NLRP5: variants seen among roughly 807,000 people sequenced by gnomAD.
NLRP5 encodes NLR family pyrin domain containing 5.
Under a neutral mutation model 113.1 loss-of-function variants are expected in NLRP5, and 93 were observed. That is an observed-to-expected ratio of 0.82 (90% CI 0.70 to 0.98). The LOEUF (loss-of-function observed/expected upper bound fraction) is 0.98. NLRP5 is among the 50% of genes least tolerant of loss of function. The probability of loss-of-function intolerance (pLI) is 0.00; values close to 1 mark genes in which losing one functional copy is unlikely to be tolerated. For missense variants in NLRP5, 1,808 were observed against 1,514.3 expected (o/e 1.19, Z -3.22); for synonymous variants, 751 against 600.7 (o/e 1.25, Z -3.66).
At chr19:55,989,870 C>G in the NLRP5 span, among the ~76,000 whole-genome samples, 1 of 152,006 alleles carries the variant, frequency 6.6e-6, no homozygotes, top group Non-Finnish European at 1.5e-5. Flanking sequence ...GTTAAAGTAC[C>G]GTCCAAAAAG....
intron 6 of NLRP5, among the ~76,000 whole-genome samples, chr19:56,023,021 C>T (rs1159579177): frequency 6.6e-6 from 1 of 152,204 alleles, no homozygotes; most frequent in African/African-American, 2.4e-5. Context: ...CCACTGCACC[C>T]AGCGAGACAA....
At chr19:56,044,246 T>C (rs1983640051) in intron 11 of NLRP5, among the ~76,000 whole-genome samples, 1 of 151,940 alleles carries the variant, frequency 6.6e-6, no homozygotes, top group Non-Finnish European at 1.5e-5. Context: ...GTATTTTTAG[T>C]AGAGACGGGG....
At chr19:56,002,559 C>T (rs1981696718) in intron 1 of NLRP5, among the ~76,000 whole-genome samples, 1 of 151,486 alleles carries the variant, frequency 6.6e-6, no homozygotes, top group East Asian at 1.9e-4. Context: ...TGGTGTGCTG[C>T]ACCCATTAAC....
intron 2 of NLRP5, 146 bp downstream of exon 2, chr19:56,004,241 C>A: frequency 1.1e-6 from 1 of 875,140 alleles, no homozygotes; most frequent in Non-Finnish European, 1.7e-6. Flanking sequence ...TGGTCATCGT[C>A]ATTGGTTGGA....
At chr19:55,998,039 C>CA (rs1981390923), upstream of NLRP5, among the ~76,000 whole-genome samples, 1 of 152,078 alleles carries the variant, frequency 6.6e-6, no homozygotes, top group Non-Finnish European at 1.5e-5. Flanking sequence ...ATAATCAAAA[C>CA]AACCATGGTA....
At chr19:55,998,424 C>T (rs934616292), upstream of NLRP5, among the ~76,000 whole-genome samples, 55 of 152,002 alleles carry the variant, frequency 3.6e-4, no homozygotes, top group African/African-American at 1.3e-3. Flanking sequence ...GAGGCCGAGG[C>T]GGGTGGGCCA....
intron 14 of NLRP5, among the ~76,000 whole-genome samples, 177 bp downstream of exon 14, chr19:56,058,587 A>C (rs1984244397): frequency 6.6e-6 from 1 of 152,184 alleles, no homozygotes; most frequent in Non-Finnish European, 1.5e-5. Flanking sequence ...AGATACAGGA[A>C]TATGGGAGAT....
intron 3 of NLRP5, among the ~76,000 whole-genome samples, chr19:56,012,448 C>G (rs935847127): frequency 2.2e-5 from 3 of 136,140 alleles, no homozygotes; most frequent in Non-Finnish European, 3.1e-5. Context: ...GCGCCTTGGC[C>G]TTTTTTTTTT....
rs1315283121 is a variant in NLRP5, at chr19:56,032,673, A to G, written c.2339A>G (p.His780Arg). 2 of 1,613,628 alleles carry G rather than the reference A, an allele frequency of 1.2e-6. No homozygotes were observed. Among genetic ancestry groups the G allele is most frequent in the Non-Finnish European group, 1.7e-6 (2 of 1,179,820 alleles). The stretch of plus-strand genomic sequence containing the variant: ...GATTTCTGCTCCATGCTTGGCACCC[A>G]CCCACACCTGCGGCAGCTGGACCTG... Residue 780 changes from histidine (H) to arginine (R), a missense_variant, in exon 8 of 15, where the codon CAC becomes CGC. By Grantham distance (29) the His-to-Arg change is conservative. Coordinates refer to ENST00000390649, the MANE Select transcript of NLRP5 (RefSeq NM_153447.4).
intron 11 of NLRP5, among the ~76,000 whole-genome samples, chr19:56,047,354 C>T (rs1168153415): frequency 6.6e-6 from 1 of 152,104 alleles, no homozygotes; most frequent in African/African-American, 2.4e-5. Context: ...GCTCTTTCAG[C>T]CTTTTTGATG....
At position 56,027,111 on chromosome 19, in the gene NLRP5, C is replaced by A. The variant is rs550879199; in HGVS notation, c.878C>A (p.Ser293Ter). 2.8e-5 allele frequency: 45 copies of A among 1,580,782 alleles called. No homozygotes were observed. Among genetic ancestry groups the A allele is most frequent in the Non-Finnish European group, 3.6e-5 (42 of 1,163,434 alleles). ...CACGGAAAGTCAGGAATTGGGAAAT[C>A]GGCTCTAGCCAGAAGGATCGTGCTG... The change falls in exon 7 of 15, where the codon TCG becomes TAG. Residue 293 changes from serine to a stop codon, truncating the protein, a stop_gained. Transcript: ENST00000390649. LOFTEE classifies it high-confidence loss of function.
In NLRP5 at chr19:56,028,234, C is replaced by T; in HGVS notation, c.2001C>T (p.His667=). The change falls in exon 7 of 15, where the codon CAC becomes CAT. Residue 667 remains histidine (H), a synonymous_variant. Coordinates refer to ENST00000390649, the MANE Select transcript of NLRP5 (RefSeq NM_153447.4). ...TGGGGGTGAAGCAGAAGCTTCTGCACTGGGTCTCTCTGTTGGGTCAGCAGC... is the reference window on the plus strand; with the variant it reads ...TGGGGGTGAAGCAGAAGCTTCTGCATTGGGTCTCTCTGTTGGGTCAGCAGC... 1.2e-6 allele frequency: 2 copies of T among 1,613,934 alleles called. No individual in the cohort carries two copies. The highest frequency in any genetic ancestry group is 1.6e-4 in the Middle Eastern group (1 of 6,062).
At chr19:56,004,428 A>G (rs1401324445) in intron 2 of NLRP5, among the ~76,000 whole-genome samples, 1 of 151,842 alleles carries the variant, frequency 6.6e-6, no homozygotes, top group African/African-American at 2.4e-5. Context: ...TTCTGTTCTG[A>G]CCCTTGGATC....
At position 56,058,259 on chromosome 19, in the gene NLRP5, A is replaced by G; in HGVS notation, c.3319A>G (p.Thr1107Ala). ...CTGCAGGTTGAAGGCATGTGGACTGACTTCTGATTGCTGTGAGGCACTCTC... is the reference window on the plus strand; with the variant it reads ...CTGCAGGTTGAAGGCATGTGGACTGGCTTCTGATTGCTGTGAGGCACTCTC... The change falls in exon 14 of 15, where the codon ACT becomes GCT. Residue 1107 changes from threonine to alanine, a missense_variant. Transcript: ENST00000390649. 2 of 1,613,680 alleles carry G rather than the reference A, an allele frequency of 1.2e-6. No homozygotes were observed. The highest frequency in any genetic ancestry group is 1.6e-4 in the Middle Eastern group (1 of 6,062).
At position 56,027,496 on chromosome 19, in the gene NLRP5, C is replaced by T. The variant is rs763332031; in HGVS notation, c.1263C>T (p.Val421=). The T allele has an allele frequency of 5.6e-6, 9 of 1,613,878 alleles. No individual in the cohort carries two copies. The highest frequency in any genetic ancestry group is 3.3e-5 in the South Asian group (3 of 91,038). ...GCACAGAGAAGCTCAAGTCAGAGGT[C>T]GTGTCTCCCCGTTACCTGTTAGTTA... Residue 421 remains valine, a synonymous_variant, in exon 7 of 15, where the codon GTC becomes GTT. Coordinates refer to ENST00000390649, the MANE Select transcript of NLRP5 (RefSeq NM_153447.4).
intron 4 of NLRP5, among the ~76,000 whole-genome samples, chr19:56,017,112 C>G (rs1982437306): frequency 6.6e-6 from 1 of 152,078 alleles, no homozygotes; most frequent in African/African-American, 2.4e-5. Context: ...CGGCCAAAAT[C>G]CTTTTCATTT....
chr19:56,029,737 C>A (rs1983018681), intron 7 of NLRP5, among the ~76,000 whole-genome samples: 1 of 151,964 alleles, frequency 6.6e-6, no homozygotes, highest in South Asian at 2.1e-4. Context: ...GTTTTTGAGA[C>A]CAGCCTGGGC....
chr19:55,991,629 C>A, the NLRP5 span, among the ~76,000 whole-genome samples: 31,403 of 152,004 alleles, frequency 0.21, 3,350 homozygotes, highest in East Asian at 0.26. Context: ...GGGATTTCAT[C>A]GTTACATTTG....
At chr19:56,055,174 C>T (rs796631597) in intron 13 of NLRP5, among the ~76,000 whole-genome samples, 67 of 151,256 alleles carry the variant, frequency 4.4e-4, no homozygotes, top group African/African-American at 1.5e-3. Context: ...GTATGTTTAG[C>T]AGAGACAGGG....
Sources: gnomAD v4.1 joint callset for allele counts (sites outside exome capture counted in the v4.1 genomes callset) on GRCh38, gnomAD v4.1.1 for gene constraint, MANE v1.5 for transcripts, NCBI Gene and HGNC (gene_info 2026-07-23, HGNC 2026-07-21) for gene names.